The following CAPZB variants were observed in gnomAD, a reference collection of about 807,000 sequenced individuals.
CAPZB encodes the protein F-actin-capping protein subunit beta.
In CAPZB, 2 loss-of-function variants were observed where a neutral mutation model predicts 38.1. The ratio of observed to expected loss-of-function variants is 0.05; its 90% CI spans 0.02 to 0.17. CAPZB has a LOEUF of 0.17. CAPZB is among the 10% of genes least tolerant of loss of function. The probability of loss-of-function intolerance (pLI) is 1.00; values close to 1 mark genes in which losing one functional copy is unlikely to be tolerated. For missense variants in CAPZB, 161 were observed against 334.2 expected, an observed-to-expected ratio of 0.48 and a Z score of 4.04; for synonymous variants, 107 against 127.4, an observed-to-expected ratio of 0.84 and a Z score of 1.08.
chr1:19,468,880 C>A (rs1411859940), intron 1 of CAPZB, among the ~76,000 whole-genome samples: 2 of 152,194 alleles, frequency 1.3e-5, no homozygotes, highest in Admixed American at 1.3e-4. Context: ...AAAATCGGTC[C>A]CCTGGGACCC....
chr1:19,424,939 G>A (rs1328938427), intron 1 of CAPZB, among the ~76,000 whole-genome samples: 1 of 152,212 alleles, frequency 6.6e-6, no homozygotes, highest in Non-Finnish European at 1.5e-5. Flanking sequence ...CCAGTCCCAA[G>A]CCTCAAGGAA....
At chr1:19,434,284 T>C (rs1252254307) in intron 1 of CAPZB, among the ~76,000 whole-genome samples, 1 of 152,206 alleles carries the variant, frequency 6.6e-6, no homozygotes, top group Admixed American at 6.5e-5. Context: ...TTCACCTCTC[T>C]GAGCCTCGAT....
intron 8 of CAPZB, chr1:19,342,702 G>A (rs2093937073): frequency 2.6e-6 from 3 of 1,166,674 alleles, no homozygotes; most frequent in Non-Finnish European, 3.8e-6. Flanking sequence ...TCGGCGGGTT[G>A]GTGAGTCCTG....
chr1:19,422,082 T>C (rs2094403434), intron 1 of CAPZB, among the ~76,000 whole-genome samples: 1 of 152,148 alleles, frequency 6.6e-6, no homozygotes, highest in South Asian at 2.1e-4. Flanking sequence ...CCCTAAATGA[T>C]TCAAGTCAAA....
intron 6 of CAPZB, among the ~76,000 whole-genome samples, chr1:19,350,815 A>T (rs1243518072): frequency 8.6e-5 from 13 of 151,848 alleles, no homozygotes; most frequent in Non-Finnish European, 5.9e-5. Context: ...ATGGGGTCTT[A>T]CTTTGTTGCC....
rs1025688249 is a variant in CAPZB at position 19,357,731 on chromosome 1, T to C, written c.330-168A>G. Among the ~76,000 whole-genome samples the C allele has an allele frequency of 1.3e-5, 2 of 151,246 alleles. No homozygotes were observed. Among genetic ancestry groups the C allele is most frequent in the African/African-American group, 4.9e-5 (2 of 41,088 alleles). On this transcript the variant is annotated intron_variant, in intron 4 of 8. Coordinates refer to ENST00000264202, the MANE Select transcript of CAPZB (RefSeq NM_004930.5). This position sits in a 1 kb window ranked among gnomAD's most constrained non-coding sequence, Gnocchi z 4.3. ...ATCGTTCTGTGGCTGGGGGAGGGGGTGCAGCATTCCTGGGGGTGTAGTAGG... is the reference window on the plus strand; with the variant it reads ...ATCGTTCTGTGGCTGGGGGAGGGGGCGCAGCATTCCTGGGGGTGTAGTAGG...
chr1:19,355,462 T>G (rs1367677241), intron 6 of CAPZB, among the ~76,000 whole-genome samples: 2 of 145,736 alleles, frequency 1.4e-5, no homozygotes, highest in African/African-American at 5.1e-5. Context: ...ACCACTGTAC[T>G]CCAGCTTGGG....
chr1:19,443,086 A>AT (rs1267843555), intron 1 of CAPZB, among the ~76,000 whole-genome samples: 1 of 152,100 alleles, frequency 6.6e-6, no homozygotes, highest in Non-Finnish European at 1.5e-5. Context: ...TTATAACAGG[A>AT]TTTTAAAAAT....
chr1:19,367,088 G>A (rs1002762883), intron 4 of CAPZB, among the ~76,000 whole-genome samples: 10 of 152,238 alleles, frequency 6.6e-5, no homozygotes, highest in Non-Finnish European at 8.8e-5. Context: ...AAAAGAAGCT[G>A]AGCGCATCCC....
At chr1:19,431,795 G>T (rs1253495781) in intron 1 of CAPZB, among the ~76,000 whole-genome samples, 1 of 151,808 alleles carries the variant, frequency 6.6e-6, no homozygotes, top group Non-Finnish European at 1.5e-5. Context: ...TACTACTTCG[G>T]GCTGCAAGCA....
chr1:19,366,262 C>T (rs1275212082), intron 4 of CAPZB, among the ~76,000 whole-genome samples: 1 of 135,736 alleles, frequency 7.4e-6, no homozygotes, highest in African/African-American at 3.1e-5. Context: ...GCCTGGGCAA[C>T]ATAGTGAGAC....
chr1:19,426,390 C>T (rs2094422595), intron 1 of CAPZB, among the ~76,000 whole-genome samples: 1 of 152,102 alleles, frequency 6.6e-6, no homozygotes, highest in African/African-American at 2.4e-5. Context: ...CAGTCCCATC[C>T]CACATGCTCC....
At chr1:19,385,063 G>A (rs941537497) in intron 3 of CAPZB, among the ~76,000 whole-genome samples, 5 of 152,146 alleles carry the variant, frequency 3.3e-5, no homozygotes, top group Admixed American at 3.3e-4. Flanking sequence ...GGAGAGTTGT[G>A]TATCTGACAG....
intron 2 of CAPZB, among the ~76,000 whole-genome samples, chr1:19,398,153 C>A (rs529828249): frequency 1.4e-5 from 2 of 144,138 alleles, no homozygotes; most frequent in African/African-American, 5.0e-5. Flanking sequence ...CCCTCAAGTC[C>A]GAGAGGATCT....
rs561666813 is a variant in CAPZB at position 19,378,740 on chromosome 1, G to A, written c.216-87C>T. On this transcript the variant is annotated intron_variant, in intron 3 of 8. Coordinates refer to ENST00000264202, the MANE Select transcript of CAPZB (RefSeq NM_004930.5). ...CAGGGAGCCTGAGCCCTGGCTATCT[G>A]AAATCTCGGAGGCAAAGCCGCTAAC... 232 of 738,374 alleles carry A rather than the reference G, an allele frequency of 3.1e-4. 1 individual carries two copies. In the East Asian group the frequency reaches 5.9e-3, roughly 19 times the overall value. 45.7% of individuals were successfully genotyped at this position (738,374 alleles called of 1,614,324 possible). A position where few individuals can be genotyped will look rare whatever the true frequency, so the allele number is the denominator to read the frequency against.
chr1:19,450,733 A>G (rs1037014072), intron 1 of CAPZB, among the ~76,000 whole-genome samples: 4 of 152,174 alleles, frequency 2.6e-5, no homozygotes, highest in Admixed American at 6.5e-5. Context: ...ATCCTTTCAC[A>G]CTTGTGCAGG....
chr1:19,354,958 G>GC (rs1371136127), intron 6 of CAPZB, among the ~76,000 whole-genome samples: 1 of 152,088 alleles, frequency 6.6e-6, no homozygotes, highest in Non-Finnish European at 1.5e-5. Flanking sequence ...AAGGCTAAGT[G>GC]CCCCCTGTGT....
chr1:19,376,766 G>A (rs1317883101), intron 4 of CAPZB, among the ~76,000 whole-genome samples: 1 of 152,224 alleles, frequency 6.6e-6, no homozygotes, highest in African/African-American at 2.4e-5. Flanking sequence ...CGTACGAGGT[G>A]CATCCCTGGT....
intron 3 of CAPZB, among the ~76,000 whole-genome samples, chr1:19,382,117 G>A (rs186491568): frequency 2.0e-5 from 3 of 152,268 alleles, no homozygotes; most frequent in Non-Finnish European, 4.4e-5. Flanking sequence ...TTCATTTCAA[G>A]GCACCCTGAT....
Sources: gnomAD v4.1 joint callset for allele counts (sites outside exome capture counted in the v4.1 genomes callset) on GRCh38, gnomAD v4.1.1 for gene constraint, Gnocchi (gnomAD v3.1) non-coding constraint, MANE v1.5 for transcripts, NCBI Gene and HGNC (gene_info 2026-07-23, HGNC 2026-07-21) for gene names.